Variants in DOCK7 observed in about 807,000 individuals in gnomAD.
DOCK7 encodes the protein dedicator of cytokinesis 7, also known as dedicator of cytokinesis protein 7.
A neutral mutation model predicts 271.0 loss-of-function variants in DOCK7; 138 were observed. The observed-to-expected ratio is 0.51, with a 90% confidence interval of 0.44 to 0.59. The LOEUF is 0.59. DOCK7 is among the 20% of genes least tolerant of loss of function. The pLI, the probability that DOCK7 is intolerant of heterozygous loss-of-function variation, is 0.00. For missense variants in DOCK7, 2,066 were observed against 2,592.4 expected, an observed-to-expected ratio of 0.80 and a Z score of 4.41; for synonymous variants, 823 against 876.1, an observed-to-expected ratio of 0.94 and a Z score of 1.07.
At chr1:62,498,911 C>T (rs1196642614) in intron 37 of DOCK7, among the ~76,000 whole-genome samples, 1 of 151,980 alleles carries the variant, frequency 6.6e-6, no homozygotes, top group Non-Finnish European at 1.5e-5. Flanking sequence ...AAGCAATTCT[C>T]CTGCCTCAGC....
intron 11 of DOCK7, among the ~76,000 whole-genome samples, chr1:62,627,058 T>C (rs571294993): frequency 6.6e-6 from 1 of 152,216 alleles, no homozygotes; most frequent in East Asian, 1.9e-4. Context: ...AGCAAGACTT[T>C]TCCCAGGAAT....
intron 14 of DOCK7, among the ~76,000 whole-genome samples, chr1:62,611,561 C>A (rs966301049): frequency 2.0e-5 from 3 of 152,104 alleles, no homozygotes; most frequent in African/African-American, 7.2e-5. Context: ...ATTCACAAGA[C>A]GACCACAAGG....
Position 62,688,282 on chromosome 1 carries a change from C to CGGCGGCGACGGT in DOCK7, c.-19_-18insACCGTCGCCGCC. 3 of 1,275,792 alleles carry CGGCGGCGACGGT rather than the reference C, an allele frequency of 2.4e-6. No homozygotes were observed. Among genetic ancestry groups the CGGCGGCGACGGT allele is most frequent in the Admixed American group, 3.8e-5 (1 of 26,646 alleles). 79.0% of individuals were successfully genotyped at this position (1,275,792 alleles called of 1,614,324 possible). A position where few individuals can be genotyped will look rare whatever the true frequency, so the allele number is the denominator to read the frequency against. ...TCGGCCATGGCTGCTGCGGCGACGG[C>CGGCGGCGACGGT]GACGGCGGCGGCGGCTGCGGCGGGC... On this transcript the variant is annotated 5_prime_UTR_variant, in exon 1 of 50. Coordinates refer to ENST00000635253, the MANE Select transcript of DOCK7 (RefSeq NM_001367561.1).
chr1:62,610,967 T>C (rs1237615180), intron 14 of DOCK7, among the ~76,000 whole-genome samples: 1 of 152,226 alleles, frequency 6.6e-6, no homozygotes, highest in African/African-American at 2.4e-5. Flanking sequence ...ATCCTTTGAA[T>C]ATATACCCAA....
chr1:62,545,286 T>C (rs1645666913), intron 22 of DOCK7, among the ~76,000 whole-genome samples: 1 of 152,108 alleles, frequency 6.6e-6, no homozygotes, highest in Non-Finnish European at 1.5e-5. Flanking sequence ...TTTCTTTATG[T>C]AAAGGAATAC....
chr1:62,485,541 A>G, intron 43 of DOCK7: 1 of 985,454 alleles, frequency 1.0e-6, no homozygotes, highest in Non-Finnish European at 1.2e-6. Context: ...ACTTCAATCC[A>G]GTGAAAGATC....
chr1:62,523,091 G>A (rs955502569), intron 31 of DOCK7, among the ~76,000 whole-genome samples: 96 of 152,172 alleles, frequency 6.3e-4, no homozygotes, highest in African/African-American at 2.1e-3. Context: ...CAAAAATTAC[G>A]AGATTCAATA....
chr1:62,546,880 T>C (rs1453037490), intron 22 of DOCK7, among the ~76,000 whole-genome samples: 2 of 152,094 alleles, frequency 1.3e-5, no homozygotes, highest in Non-Finnish European at 2.9e-5. Context: ...AGCCCAAAAT[T>C]ATGTCTTTTT....
intron 20 of DOCK7, among the ~76,000 whole-genome samples, chr1:62,557,785 T>C (rs917102608): frequency 6.6e-6 from 1 of 151,748 alleles, no homozygotes; most frequent in Non-Finnish European, 1.5e-5. Context: ...AATGCTAACC[T>C]TTTTTTCCTT....
intron 14 of DOCK7, chr1:62,604,596 G>C (rs1650674053): frequency 6.3e-7 from 1 of 1,592,072 alleles, no homozygotes; most frequent in East Asian, 2.2e-5. Context: ...CTACATACGA[G>C]TCTGTACCCA....
At chr1:62,636,735 ACTT>A (rs1347163628) in intron 7 of DOCK7, 132 bp from the exon 8 acceptor site, 36 of 670,936 alleles carry the variant, frequency 5.4e-5, no homozygotes, top group Middle Eastern at 5.0e-4. Flanking sequence ...CTATATTAAA[ACTT>A]CTTCTTGAAA....
intron 14 of DOCK7, chr1:62,605,598 A>C (rs574808296): frequency 6.6e-6 from 1 of 152,444 alleles, no homozygotes; most frequent in African/African-American, 2.4e-5. Context: ...GTCAGATTAC[A>C]GTAAGAATGA....
intron 2 of DOCK7, among the ~76,000 whole-genome samples, chr1:62,662,716 G>T (rs906984332): frequency 2.0e-5 from 3 of 152,052 alleles, no homozygotes; most frequent in African/African-American, 7.2e-5. Flanking sequence ...AGCCGAGAAC[G>T]CGCCACTGCA....
At chr1:62,673,105 A>G (rs1429549623) in intron 1 of DOCK7, among the ~76,000 whole-genome samples, 1 of 152,182 alleles carries the variant, frequency 6.6e-6, no homozygotes, top group Non-Finnish European at 1.5e-5. Context: ...ATGTTTAGGA[A>G]CACAGAAGAC....
intron 14 of DOCK7, among the ~76,000 whole-genome samples, chr1:62,590,087 A>C (rs1237871828): frequency 6.6e-6 from 1 of 152,092 alleles, no homozygotes; most frequent in Non-Finnish European, 1.5e-5. Context: ...AGAAAAATGA[A>C]ATAATTAAAT....
At chr1:62,663,578 C>T (rs1658934410) in intron 1 of DOCK7, among the ~76,000 whole-genome samples, 2 of 152,152 alleles carry the variant, frequency 1.3e-5, no homozygotes, top group South Asian at 4.1e-4. Context: ...TGTTTTCAAG[C>T]TAATGATTTA....
chr1:62,479,374 G>A (rs1175534066), intron 43 of DOCK7, among the ~76,000 whole-genome samples: 4 of 151,958 alleles, frequency 2.6e-5, no homozygotes, highest in Non-Finnish European at 5.9e-5. Flanking sequence ...AGAAAGTTGA[G>A]GCTTCTAATT....
intron 1 of DOCK7, 24 bp downstream of exon 1, chr1:62,688,203 G>T (rs1158608297): frequency 7.3e-7 from 1 of 1,370,110 alleles, no homozygotes; most frequent in South Asian, 1.6e-5. Flanking sequence ...GGCGGCGGCG[G>T]CGCGCCCCAC....
At chr1:62,550,477 G>A (rs1185046045) in intron 22 of DOCK7, among the ~76,000 whole-genome samples, 6 of 151,924 alleles carry the variant, frequency 3.9e-5, no homozygotes, top group Admixed American at 1.3e-4. Context: ...AATGAAAGAA[G>A]GAATTAAATC....
Sources: allele counts gnomAD v4.1 joint callset (sites outside exome capture counted in the v4.1 genomes callset), GRCh38; gene constraint gnomAD v4.1.1; transcripts MANE v1.5; gene names NCBI Gene and HGNC (gene_info 2026-07-23, HGNC 2026-07-21).